NUBPL: variants seen among roughly 807,000 people sequenced by gnomAD.
NUBPL encodes iron-sulfur cluster transfer protein NUBPL.
A neutral mutation model predicts 45.7 loss-of-function variants in NUBPL; 31 were observed. The ratio of observed to expected loss-of-function variants is 0.68; its 90% confidence interval spans 0.51 to 0.92. NUBPL has a LOEUF of 0.92. Among genes scored for constraint, NUBPL ranks in the 40% least tolerant of loss-of-function variants. The pLI, the probability that NUBPL is intolerant of heterozygous loss-of-function variation, is 0.00. For missense variants in NUBPL, 401 were observed against 398.7 expected (o/e 1.01, Z -0.05); for synonymous variants, 144 against 140.9 (o/e 1.02, Z -0.15).
At chr14:31,688,658 G>GTTTTTTTTTTTTTTT (rs35846918) in intron 6 of NUBPL, among the ~76,000 whole-genome samples, 1 of 129,466 alleles carries the variant, frequency 7.7e-6, no homozygotes, top group Non-Finnish European at 1.6e-5. Context: ...TTTTGTTGTT[G>GTTTTTTTTTTTTTTT]TTTTTTTTTT....
At chr14:31,800,347 T>C (rs11621039) in intron 7 of NUBPL, among the ~76,000 whole-genome samples, 9,541 of 152,190 alleles carry the variant, frequency 0.063, 419 homozygotes, top group Non-Finnish European at 0.092. Context: ...CAACATAATA[T>C]CGATTAGGAT....
chr14:31,805,464 G>A (rs79663948), intron 7 of NUBPL, among the ~76,000 whole-genome samples: 7,548 of 152,160 alleles, frequency 0.05, 246 homozygotes, highest in African/African-American at 0.073. Flanking sequence ...ACACATGCAC[G>A]TGTACATTTG....
At chr14:31,842,732 C>T (rs116232442) in intron 8 of NUBPL, among the ~76,000 whole-genome samples, 2,083 of 152,168 alleles carry the variant, frequency 0.014, 33 homozygotes, top group African/African-American at 0.042. Context: ...GCCACCATGC[C>T]CAGTCTACCT....
intron 4 of NUBPL, among the ~76,000 whole-genome samples, chr14:31,650,287 C>CTTTTT (rs35127795): frequency 6.9e-5 from 8 of 116,592 alleles, no homozygotes; most frequent in Non-Finnish European, 1.4e-4. Context: ...GGCTTTCTTT[C>CTTTTT]TTTTTTTTTT....
chr14:31,563,581 T>C (rs1169877305), intron 2 of NUBPL, among the ~76,000 whole-genome samples: 4 of 152,220 alleles, frequency 2.6e-5, no homozygotes, highest in Non-Finnish European at 5.9e-5. Context: ...TTTATGTAAC[T>C]CTATTGGTAT....
intron 10 of NUBPL, among the ~76,000 whole-genome samples, chr14:31,856,205 G>A (rs548384373): frequency 5.9e-5 from 9 of 152,214 alleles, no homozygotes; most frequent in South Asian, 4.2e-4. Context: ...TACATGGATG[G>A]CGGCAGGCAA....
intron 3 of NUBPL, among the ~76,000 whole-genome samples, chr14:31,592,859 T>A (rs1264805272): frequency 6.6e-6 from 1 of 152,190 alleles, no homozygotes; most frequent in Non-Finnish European, 1.5e-5. Context: ...GGAATCTCTG[T>A]AACTACCTAC....
At chr14:31,614,401 T>C (rs952697727) in intron 4 of NUBPL, among the ~76,000 whole-genome samples, 29 of 152,174 alleles carry the variant, frequency 1.9e-4, no homozygotes, top group Admixed American at 1.6e-3. Context: ...AGCATAGCCT[T>C]TGGAGGAACA....
At chr14:31,857,153 C>A (rs746083716) in intron 10 of NUBPL, among the ~76,000 whole-genome samples, 4 of 152,184 alleles carry the variant, frequency 2.6e-5, no homozygotes, top group African/African-American at 4.8e-5. Flanking sequence ...TTTCTGTGCA[C>A]CCACAAGCTC....
chr14:31,838,190 G>T (rs753347737), intron 8 of NUBPL, among the ~76,000 whole-genome samples: 2 of 150,778 alleles, frequency 1.3e-5, no homozygotes, highest in African/African-American at 2.5e-5. Context: ...CTCATACATT[G>T]CTGGTGGTAG....
intron 6 of NUBPL, among the ~76,000 whole-genome samples, chr14:31,691,858 G>A (rs1283473606): frequency 6.6e-6 from 1 of 152,072 alleles, no homozygotes; most frequent in Non-Finnish European, 1.5e-5. Context: ...TATTTTTTAG[G>A]ATACATGAAG....
At chr14:31,846,711 C>G (rs1259213556) in intron 9 of NUBPL, 120 bp downstream of exon 9, 1 of 1,481,826 alleles carries the variant, frequency 6.7e-7, no homozygotes, top group Non-Finnish European at 9.1e-7. Context: ...AATCCCAGCA[C>G]TTTGGGAGGT....
At chr14:31,787,422 TA>T (rs985723243) in intron 6 of NUBPL, among the ~76,000 whole-genome samples, 1 of 152,082 alleles carries the variant, frequency 6.6e-6, no homozygotes, top group Admixed American at 6.5e-5. Flanking sequence ...ATGCAAAATT[TA>T]AAAAAAGGTG....
At chr14:31,673,149 G>A (rs1221183603) in intron 4 of NUBPL, among the ~76,000 whole-genome samples, 1 of 152,078 alleles carries the variant, frequency 6.6e-6, no homozygotes, top group Non-Finnish European at 1.5e-5. Flanking sequence ...GATGTGGAAT[G>A]CTAATTAGCA....
chr14:31,758,244 G>A, intron 6 of NUBPL, among the ~76,000 whole-genome samples: 1 of 152,224 alleles, frequency 6.6e-6, no homozygotes, highest in African/African-American at 2.4e-5. Context: ...GGTACTCAAT[G>A]TTTATTGAGT....
intron 8 of NUBPL, among the ~76,000 whole-genome samples, chr14:31,833,113 A>G (rs1739520786): frequency 6.6e-6 from 1 of 152,162 alleles, no homozygotes; most frequent in Non-Finnish European, 1.5e-5. Flanking sequence ...CATGCCTGTA[A>G]TCCCAGCACT....
chr14:31,666,906 T>C (rs2036444882), intron 4 of NUBPL, among the ~76,000 whole-genome samples: 1 of 152,228 alleles, frequency 6.6e-6, no homozygotes, highest in Non-Finnish European at 1.5e-5. Flanking sequence ...TTGTAGGGTT[T>C]CTGTAGAGAG....
chr14:31,727,755 T>C (rs1461366935), intron 6 of NUBPL, among the ~76,000 whole-genome samples: 1 of 152,300 alleles, frequency 6.6e-6, no homozygotes, highest in East Asian at 1.9e-4. Flanking sequence ...AAATAGCAAG[T>C]TCTAATAAAT....
chr14:31,674,648 A>C (rs564523063), intron 6 of NUBPL, among the ~76,000 whole-genome samples: 2 of 152,290 alleles, frequency 1.3e-5, no homozygotes, highest in Admixed American at 1.3e-4. Flanking sequence ...ACTATCAGAG[A>C]ATATAGAATA....
Sources: allele counts gnomAD v4.1 joint callset (sites outside exome capture counted in the v4.1 genomes callset), GRCh38; gene constraint gnomAD v4.1.1; transcripts MANE v1.5; gene names NCBI Gene and HGNC (gene_info 2026-07-23, HGNC 2026-07-21).